PAK1: variants seen among roughly 807,000 people sequenced by gnomAD.
The protein encoded by PAK1 is serine/threonine-protein kinase PAK 1.
PAK1 carries 29 observed loss-of-function variants against 67.4 expected under a neutral mutation model. The ratio of observed to expected loss-of-function variants is 0.43; its 90% CI spans 0.32 to 0.59. The LOEUF (loss-of-function observed/expected upper bound fraction) is 0.59. Among genes scored for constraint, PAK1 ranks in the 20% least tolerant of loss-of-function variants. The pLI, the probability that PAK1 is intolerant of heterozygous loss-of-function variation, is 0.07. For synonymous variants in PAK1, 223 were observed against 237.4 expected, an observed-to-expected ratio of 0.94 and a Z score of 0.56; for missense variants, 337 against 670.7, an observed-to-expected ratio of 0.50 and a Z score of 5.50.
chr11:77,330,454 A>C (rs1387891932), intron 14 of PAK1, among the ~76,000 whole-genome samples: 3 of 152,242 alleles, frequency 2.0e-5, no homozygotes, highest in Non-Finnish European at 1.5e-5. Context: ...CCAATGGAGC[A>C]GAACAGAGCC....
intron 1 of PAK1, among the ~76,000 whole-genome samples, chr11:77,465,012 GTC>G (rs1491314321): frequency 7.6e-4 from 113 of 149,028 alleles, no homozygotes; most frequent in Admixed American, 2.9e-3. Context: ...GTGTGTGTGT[GTC>G]TGTGTGTGTG....
At chr11:77,459,749 G>A (rs532087415) in intron 1 of PAK1, among the ~76,000 whole-genome samples, 1 of 145,112 alleles carries the variant, frequency 6.9e-6, no homozygotes, top group African/African-American at 2.6e-5. Flanking sequence ...CCGGACTGCA[G>A]TGGCGCGATC....
the PAK1 span, among the ~76,000 whole-genome samples, chr11:77,518,007 T>G: frequency 6.6e-6 from 1 of 152,224 alleles, no homozygotes; most frequent in East Asian, 1.9e-4. Flanking sequence ...CACCTCCTGC[T>G]GTGTGGCCTC....
At chr11:77,364,251 T>C (rs1947195227) in intron 5 of PAK1, among the ~76,000 whole-genome samples, 1 of 152,188 alleles carries the variant, frequency 6.6e-6, no homozygotes, top group African/African-American at 2.4e-5. Flanking sequence ...TGGAACAGAC[T>C]TGAAAAAGGC....
Position 77,352,689 on chromosome 11 carries a change from T to A in PAK1, c.836+847A>T, listed in dbSNP as rs539388870. Reference sequence around the variant, plus strand: ...GCCCTACATAAATATACCTTTTTTTTATCTTTTATGCTGTATTTTTACCGT... The same window carrying A: ...GCCCTACATAAATATACCTTTTTTTAATCTTTTATGCTGTATTTTTACCGT... On this transcript the variant is annotated intron_variant, in intron 8 of 14. Coordinates refer to ENST00000356341, the MANE Select transcript of PAK1 (RefSeq NM_002576.5). Among the ~76,000 whole-genome samples the A allele has an allele frequency of 1.4e-4, 22 of 152,272 alleles. 1 individual carries two copies. In the South Asian group the frequency reaches 3.5e-3, roughly 24 times the overall value.
chr11:77,428,697 G>A (rs1430230923), intron 1 of PAK1, among the ~76,000 whole-genome samples: 1 of 151,924 alleles, frequency 6.6e-6, no homozygotes, highest in African/African-American at 2.4e-5. Context: ...GAGAATCAGA[G>A]CCCAAGCAGG....
At chr11:77,351,801 A>G (rs1221916108) in intron 8 of PAK1, among the ~76,000 whole-genome samples, 3 of 151,804 alleles carry the variant, frequency 2.0e-5, no homozygotes, top group East Asian at 1.9e-4. Flanking sequence ...CTTTCATTCC[A>G]CTAACACTGA....
intron 1 of PAK1, among the ~76,000 whole-genome samples, chr11:77,442,268 G>A (rs1956387458): frequency 6.6e-6 from 1 of 152,116 alleles, no homozygotes; most frequent in South Asian, 2.1e-4. Context: ...CATCCTTGTA[G>A]AGTCCTCTCC....
chr11:77,483,259 A>G, the PAK1 span, among the ~76,000 whole-genome samples: 2 of 152,062 alleles, frequency 1.3e-5, no homozygotes, highest in African/African-American at 4.8e-5. Flanking sequence ...AGGAAAGAGT[A>G]TAACCAGCTG....
intron 1 of PAK1, among the ~76,000 whole-genome samples, chr11:77,466,543 C>A (rs568272718): frequency 6.6e-6 from 1 of 151,444 alleles, no homozygotes; most frequent in African/African-American, 2.4e-5. Flanking sequence ...GCAGAGCTTG[C>A]GGTGAGCCGA....
rs34083265 is a variant in PAK1, at chr11:77,381,138, AGTGTGTGTGTGTGT to A, written c.191-1158_191-1145del. Among the ~76,000 whole-genome samples the A allele has an allele frequency of 1.6e-3, 232 of 144,470 alleles. 1 individual carries two copies. The highest frequency in any genetic ancestry group is 2.9e-3 in the Non-Finnish European group (190 of 65,592). 94.8% of individuals were successfully genotyped at this position (144,470 alleles called of 152,430 possible). ...CAGTTTCACCTCTACCTCACCACAG[AGTGTGTGTGTGTGT>A]GTGTGTGTGTGTGTGTGTGTGTGTA... is the stretch of plus-strand genomic sequence containing the variant. On this transcript the variant is annotated intron_variant, in intron 2 of 14. Coordinates refer to ENST00000356341, the MANE Select transcript of PAK1 (RefSeq NM_002576.5).
chr11:77,402,891 A>C (rs750758382), intron 1 of PAK1, among the ~76,000 whole-genome samples: 24 of 152,120 alleles, frequency 1.6e-4, no homozygotes, highest in African/African-American at 5.1e-4. Flanking sequence ...ACCCATGATC[A>C]CTCAAACTCT....
At chr11:77,529,000 T>C in the PAK1 span, among the ~76,000 whole-genome samples, 1 of 152,198 alleles carries the variant, frequency 6.6e-6, no homozygotes, top group Admixed American at 6.5e-5. Flanking sequence ...GCCTCATCTA[T>C]CTATTGCAAA....
chr11:77,502,185 ATG>A, the PAK1 span, among the ~76,000 whole-genome samples: 4 of 152,078 alleles, frequency 2.6e-5, no homozygotes, highest in Admixed American at 2.6e-4. Context: ...GTGCATGTGT[ATG>A]TGTTTTTTTC....
intron 8 of PAK1, among the ~76,000 whole-genome samples, chr11:77,352,420 A>C (rs562517539): frequency 6.6e-6 from 1 of 152,228 alleles, no homozygotes; most frequent in African/African-American, 2.4e-5. Flanking sequence ...GATGGACCGC[A>C]TATGATGGTG....
the PAK1 span, among the ~76,000 whole-genome samples, chr11:77,485,768 C>T: frequency 6.6e-6 from 1 of 152,192 alleles, no homozygotes; most frequent in Admixed American, 6.5e-5. Context: ...AGCCACCATG[C>T]CTGGCCTAAA....
chr11:77,487,012 C>T, the PAK1 span, among the ~76,000 whole-genome samples: 3 of 152,174 alleles, frequency 2.0e-5, no homozygotes, highest in South Asian at 2.1e-4. Flanking sequence ...CAGCACCAGG[C>T]AGCACAGCTC....
chr11:77,494,713 G>A, the PAK1 span, among the ~76,000 whole-genome samples: 1 of 151,984 alleles, frequency 6.6e-6, no homozygotes, highest in Non-Finnish European at 1.5e-5. Context: ...TATAGAAAAT[G>A]TTTTCTTTAC....
chr11:77,485,202 T>C, the PAK1 span, among the ~76,000 whole-genome samples: 3 of 152,262 alleles, frequency 2.0e-5, no homozygotes, highest in South Asian at 4.1e-4. Context: ...AGGGGAATAG[T>C]GGTTAGAGAG....
Sources: gnomAD v4.1 joint callset for allele counts (sites outside exome capture counted in the v4.1 genomes callset) on GRCh38, gnomAD v4.1.1 for gene constraint, MANE v1.5 for transcripts, NCBI Gene and HGNC (gene_info 2026-07-23, HGNC 2026-07-21) for gene names.